Variants in TAT observed in about 807,000 individuals in gnomAD.
The protein encoded by TAT is tyrosine aminotransferase.
TAT carries 35 observed loss-of-function variants against 53.6 expected under a neutral mutation model. The observed-to-expected ratio is 0.65, with a 90% CI of 0.50 to 0.87. The LOEUF is 0.87. TAT is among the 40% of genes least tolerant of loss of function. The probability of loss-of-function intolerance (pLI) is 0.00; values close to 1 mark genes in which losing one functional copy is unlikely to be tolerated. For synonymous variants in TAT, 197 were observed against 206.5 expected, an observed-to-expected ratio of 0.95 and a Z score of 0.39; for missense variants, 525 against 571.8, an observed-to-expected ratio of 0.92 and a Z score of 0.83.
rs2044168661 is a variant in TAT at position 71,567,136 on chromosome 16, A to T, written c.*1008T>A. ...TAAGAAAGCCTGATGCCGCTGGGCG[A>T]GGTGGCTCACGCCTGTAATCCCAGT... On this transcript the variant is annotated 3_prime_UTR_variant, in exon 12 of 12. Coordinates refer to ENST00000355962, the MANE Select transcript of TAT (RefSeq NM_000353.3). The T allele has an allele frequency of 6.6e-6, 1 of 152,104 alleles. No individual in the cohort carries two copies. The highest frequency in any genetic ancestry group is 6.6e-5 in the Admixed American group (1 of 15,258). 9.4% of individuals were successfully genotyped at this position (152,104 alleles called of 1,614,324 possible).
chr16:71,575,516 C>A, intron 3 of TAT: 1 of 280,390 alleles, frequency 3.6e-6, no homozygotes. Flanking sequence ...GCCTTCAATA[C>A]ATAGAGAAGC....
intron 3 of TAT, chr16:71,575,644 T>C (rs2044229667): frequency 2.0e-6 from 1 of 490,374 alleles, no homozygotes; most frequent in Non-Finnish European, 3.7e-6. Flanking sequence ...GAATTAGTAA[T>C]GATAGGATAG....
At chr16:71,575,869 A>G in intron 3 of TAT, 53 bp downstream of exon 3, 1 of 1,500,574 alleles carries the variant, frequency 6.7e-7, no homozygotes, top group Non-Finnish European at 9.3e-7. Flanking sequence ...TCCTGTTATA[A>G]GAGCACTAAA....
rs764218220 is a variant in TAT at position 71,576,217 on chromosome 16, G to A, written c.199C>T (p.Pro67Ser). The A allele has an allele frequency of 5.6e-6, 9 of 1,614,004 alleles. No individual in the cohort carries two copies. Among genetic ancestry groups the A allele is most frequent in the South Asian group, 5.5e-5 (5 of 91,074 alleles). ...GAAATCATGGTTTTGTTTGGATTTG[G>A]TTTCACCTTCATGTTGTCCACAATG... is the stretch of plus-strand genomic sequence containing the variant. ...RAIVDNMKVK[P>S]NPNKTMISLS... The change falls in exon 2 of 12, where the codon CCA (proline) becomes TCA (serine). Residue 67 changes from proline (P) to serine (S), a missense_variant. Pro to Ser is a moderately conservative substitution (Grantham distance 74, BLOSUM62 -1). Coordinates refer to ENST00000355962, the MANE Select transcript of TAT (RefSeq NM_000353.3).
rs966674078 is a variant in TAT, at chr16:71,566,889, A to G, written c.*1255T>C. 1 of 151,972 alleles carries G rather than the reference A, an allele frequency of 6.6e-6. No individual in the cohort carries two copies. The highest frequency in any genetic ancestry group is 1.5e-5 in the Non-Finnish European group (1 of 67,998). 9.4% of individuals were successfully genotyped at this position (151,972 alleles called of 1,614,324 possible). A position where few individuals can be genotyped will look rare whatever the true frequency, so the allele number is the denominator to read the frequency against. Reference sequence around the variant, plus strand: ...TATTAAAAAAAAAAAAAGAAAAACAATAATTTATGCCCTTGGCAAAATAAA... The same window carrying G: ...TATTAAAAAAAAAAAAAGAAAAACAGTAATTTATGCCCTTGGCAAAATAAA... On this transcript the variant is annotated 3_prime_UTR_variant, in exon 12 of 12. Transcript: ENST00000355962.
intron 1 of TAT, 117 bp from the exon 2 acceptor site, chr16:71,576,544 C>T (rs1211004834): frequency 3.4e-6 from 3 of 878,452 alleles, no homozygotes; most frequent in Non-Finnish European, 5.4e-6. Context: ...CAAACTCTCT[C>T]TTTATTTTTT....
At chr16:71,572,804 T>C (rs2044211939) in intron 4 of TAT, 116 bp from the exon 5 acceptor site, 3 of 1,173,164 alleles carry the variant, frequency 2.6e-6, no homozygotes, top group East Asian at 2.5e-5. Flanking sequence ...AAGTTGTAAG[T>C]AGTAGGAAAT....
rs867236571 is a variant in TAT at position 71,568,364 on chromosome 16, C to T, written c.1225-80G>A. On this transcript the variant is annotated intron_variant, in intron 11 of 11. Transcript: ENST00000355962. The stretch of plus-strand genomic sequence containing the variant: ...CCCTAAAATGGTCAGGACCCTGATC[C>T]ACAAGAAGTGGTACCATTTCATCAG... 10 of 1,431,098 alleles carry T rather than the reference C, an allele frequency of 7.0e-6. No homozygotes were observed. The South Asian group carries it at 9.5e-5, about 14-fold the overall frequency. The allele number at this position is 1,431,098 out of a possible 1,614,324, so 88.6% of individuals were successfully genotyped here. A position where few individuals can be genotyped will look rare whatever the true frequency, so the allele number is the denominator to read the frequency against.
Position 71,571,706 on chromosome 16 carries a change from C to A in TAT, c.707-48G>T, listed in dbSNP as rs2044204401. 3.3e-6 allele frequency: 5 copies of A among 1,524,160 alleles called. No individual in the cohort carries two copies. The African/African-American group carries it at 5.5e-5, about 17-fold the overall frequency. 94.4% of individuals were successfully genotyped at this position (1,524,160 alleles called of 1,614,324 possible). ...TCAGTTTTAATGTGAATTGCTTTATCATGTAATAGTCACATAATATCATGT... is the reference window on the plus strand; with the variant it reads ...TCAGTTTTAATGTGAATTGCTTTATAATGTAATAGTCACATAATATCATGT... On this transcript the variant is annotated intron_variant, in intron 6 of 11. Coordinates refer to ENST00000355962, the MANE Select transcript of TAT (RefSeq NM_000353.3).
At position 71,567,929 on chromosome 16, in the gene TAT, A is replaced by G. The variant is rs1298924429; in HGVS notation, c.*215T>C. 3.3e-6 allele frequency: 2 copies of G among 602,192 alleles called. No individual in the cohort carries two copies. Among genetic ancestry groups the G allele is most frequent in the Non-Finnish European group, 6.0e-6 (2 of 336,030 alleles). 37.3% of individuals were successfully genotyped at this position (602,192 alleles called of 1,614,324 possible). ...GATTAATGAATTAGTGAGTCACTCT[A>G]GCAGCGCAGAGCAAGGGAGAATCTG... On this transcript the variant is annotated 3_prime_UTR_variant, in exon 12 of 12. Coordinates refer to ENST00000355962, the MANE Select transcript of TAT (RefSeq NM_000353.3).
intron 3 of TAT, chr16:71,575,270 T>C (rs2044227518): frequency 6.5e-6 from 1 of 153,322 alleles, no homozygotes; most frequent in Middle Eastern, 3.2e-3. Context: ...AAATGTTCAA[T>C]ACTGAAAGTC....
chr16:71,573,938 C>T (rs1034687412), intron 3 of TAT, among the ~76,000 whole-genome samples: 2 of 152,154 alleles, frequency 1.3e-5, no homozygotes, highest in African/African-American at 4.8e-5. Flanking sequence ...ACCTCAGCCT[C>T]CTGAAAGTGC....
intron 10 of TAT, 67 bp downstream of exon 10, chr16:71,569,787 T>C: frequency 3.4e-6 from 5 of 1,484,202 alleles, no homozygotes; most frequent in Non-Finnish European, 4.7e-6. Context: ...CTGTGGCAAT[T>C]CTGCTGAATG....
At chr16:71,575,829 G>C in intron 3 of TAT, 93 bp downstream of exon 3, 3 of 1,271,128 alleles carry the variant, frequency 2.4e-6, no homozygotes, top group African/African-American at 1.5e-5. Context: ...TTGTGCATCA[G>C]GAAAGTGAAG....
At chr16:71,570,643 C>T in intron 8 of TAT, 36 bp downstream of exon 8, 6 of 1,613,854 alleles carry the variant, frequency 3.7e-6, no homozygotes, top group Non-Finnish European at 5.1e-6. Flanking sequence ...TAAATATATA[C>T]CCTAAATTAC....
In TAT at chr16:71,569,863, C is replaced by G; in HGVS notation, c.1116G>C (p.Met372Ile). 1 of 1,613,770 alleles carries G rather than the reference C, an allele frequency of 6.2e-7. No individual in the cohort carries two copies. Among genetic ancestry groups the G allele is most frequent in the Non-Finnish European group, 8.5e-7 (1 of 1,179,880 alleles). ...CCACCCACATACTCACCATGAGGTA[C>G]ATAGCCCCAGAAGGGCGGACTGGCC... ...GLRPVRPSGA[M>I]YLMVGIEMEH... Residue 372 changes from methionine (M) to isoleucine (I), a missense_variant, in exon 10 of 12, where the codon ATG (methionine) becomes ATC (isoleucine). Coordinates refer to ENST00000355962, the MANE Select transcript of TAT (RefSeq NM_000353.3).
chr16:71,574,374 A>G (rs915195962), intron 3 of TAT, among the ~76,000 whole-genome samples: 2 of 152,110 alleles, frequency 1.3e-5, no homozygotes, highest in African/African-American at 4.8e-5. Context: ...TGAGGTCGGG[A>G]GATTGAGACC....
chr16:71,572,149 T>A, intron 6 of TAT, 37 bp downstream of exon 6: 1 of 1,613,870 alleles, frequency 6.2e-7, no homozygotes, highest in Non-Finnish European at 8.5e-7. Flanking sequence ...AAGGATTCTG[T>A]CCCCACCTCG....
Position 71,569,868 on chromosome 16 carries a change from C to G in TAT, c.1111G>C (p.Ala371Pro). The G allele has an allele frequency of 6.2e-7, 1 of 1,613,790 alleles. No individual in the cohort carries two copies. Among genetic ancestry groups the G allele is most frequent in the Non-Finnish European group, 8.5e-7 (1 of 1,179,902 alleles). Residue 371 changes from alanine to proline, a missense_variant, in exon 10 of 12, where the codon GCT becomes CCT. Transcript: ENST00000355962. ...PGLRPVRPSGAMYLMVGIEME... is the reference protein window; with the variant it reads ...PGLRPVRPSGPMYLMVGIEME... ...CACATACTCACCATGAGGTACATAG[C>G]CCCAGAAGGGCGGACTGGCCGGAGT... is the stretch of plus-strand genomic sequence containing the variant.
Sources: allele counts gnomAD v4.1 joint callset (sites outside exome capture counted in the v4.1 genomes callset), GRCh38; gene constraint gnomAD v4.1.1; transcripts MANE v1.5; gene names NCBI Gene and HGNC (gene_info 2026-07-23, HGNC 2026-07-21).